The following KIAA1217 variants were observed in gnomAD, a reference collection of about 807,000 sequenced individuals.
The protein encoded by KIAA1217 is sickle tail protein homolog.
KIAA1217 carries 88 observed loss-of-function variants against 163.9 expected under a neutral mutation model. That is an observed-to-expected ratio of 0.54 (90% CI 0.45 to 0.64). The LOEUF is 0.64. Ranked by LOEUF, KIAA1217 falls within the 30% of genes least tolerant of loss-of-function variation. KIAA1217 has a pLI of 0.00. For missense variants in KIAA1217, 2,372 were observed against 2,475.0 expected (o/e 0.96, Z 0.88); for synonymous variants, 903 against 923.1 (o/e 0.98, Z 0.39).
chr10:24,324,832 T>G (rs937841419), intron 2 of KIAA1217, among the ~76,000 whole-genome samples: 1 of 152,218 alleles, frequency 6.6e-6, no homozygotes, highest in African/African-American at 2.4e-5. Context: ...GCTGTTGTGC[T>G]GATTTCTTGG....
At chr10:23,938,697 T>C (rs2131329794) in intron 1 of KIAA1217, among the ~76,000 whole-genome samples, 1 of 152,046 alleles carries the variant, frequency 6.6e-6, no homozygotes, top group South Asian at 2.1e-4. Flanking sequence ...GCCTCGGTTA[T>C]GTGCAAATAC....
At chr10:23,877,717 G>A (rs1188036534) in intron 1 of KIAA1217, among the ~76,000 whole-genome samples, 1 of 151,944 alleles carries the variant, frequency 6.6e-6, no homozygotes, top group Non-Finnish European at 1.5e-5. Context: ...ACTCTCAAAA[G>A]CTTTAACATT....
At chr10:24,537,280 A>G (rs1029188100) in intron 17 of KIAA1217, among the ~76,000 whole-genome samples, 5 of 152,126 alleles carry the variant, frequency 3.3e-5, no homozygotes, top group African/African-American at 4.8e-5. Flanking sequence ...TGTTAAGAAA[A>G]ATAGGTAAAA....
At chr10:24,457,999 T>G (rs1382188367) in intron 5 of KIAA1217, among the ~76,000 whole-genome samples, 1 of 152,118 alleles carries the variant, frequency 6.6e-6, no homozygotes, top group Non-Finnish European at 1.5e-5. Context: ...GGAAGCAGAT[T>G]GTGTCTCTGA....
intron 1 of KIAA1217, among the ~76,000 whole-genome samples, chr10:23,815,602 C>G (rs1465629558): frequency 6.6e-6 from 1 of 152,140 alleles, no homozygotes; most frequent in African/African-American, 2.4e-5. Flanking sequence ...TGAGATCAGG[C>G]CACTGCACTC....
intron 14 of KIAA1217, among the ~76,000 whole-genome samples, chr10:24,530,148 G>T (rs2072903508): frequency 1.3e-5 from 2 of 152,006 alleles, no homozygotes; most frequent in South Asian, 4.1e-4. Flanking sequence ...TATTAATTTT[G>T]TCATAGAGTC....
intron 2 of KIAA1217, among the ~76,000 whole-genome samples, chr10:24,179,428 G>A (rs996414430): frequency 6.6e-6 from 1 of 152,022 alleles, no homozygotes; most frequent in Admixed American, 6.6e-5. Context: ...ACTTCCTCCT[G>A]CTCTGCTATG....
intron 2 of KIAA1217, among the ~76,000 whole-genome samples, chr10:24,172,040 G>C (rs1057217882): frequency 1.3e-5 from 2 of 152,152 alleles, no homozygotes; most frequent in East Asian, 3.8e-4. Context: ...CAAATGGCTT[G>C]ACAGAGATCA....
chr10:23,917,506 G>A (rs1386307943), intron 1 of KIAA1217, among the ~76,000 whole-genome samples: 2 of 152,316 alleles, frequency 1.3e-5, no homozygotes, highest in Middle Eastern at 3.4e-3. Context: ...TGGGAGCAGC[G>A]GCCACAGAGG....
At chr10:24,463,586 C>T (rs2062650001) in intron 5 of KIAA1217, among the ~76,000 whole-genome samples, 1 of 152,204 alleles carries the variant, frequency 6.6e-6, no homozygotes, top group Admixed American at 6.5e-5. Context: ...ATAATCCCTT[C>T]CCTTCCTAAT....
At chr10:23,979,266 A>G (rs1845666140) in intron 1 of KIAA1217, among the ~76,000 whole-genome samples, 2 of 152,226 alleles carry the variant, frequency 1.3e-5, no homozygotes. Context: ...TTGCAGGTGC[A>G]AACACAGCGT....
intron 1 of KIAA1217, among the ~76,000 whole-genome samples, chr10:24,211,359 T>G (rs947064797): frequency 8.2e-5 from 10 of 122,438 alleles, no homozygotes; most frequent in African/African-American, 3.1e-4. Context: ...CAGGTGGGAC[T>G]ACTTTTTTTT....
intron 1 of KIAA1217, among the ~76,000 whole-genome samples, chr10:23,700,482 A>AT (rs1159919887): frequency 1.3e-5 from 2 of 151,128 alleles, no homozygotes; most frequent in Admixed American, 6.6e-5. Context: ...ATTTTATAAT[A>AT]TTTTCCCATT....
intron 2 of KIAA1217, among the ~76,000 whole-genome samples, chr10:24,175,754 G>T (rs2065854649): frequency 6.6e-6 from 1 of 152,050 alleles, no homozygotes; most frequent in South Asian, 2.1e-4. Context: ...TCAGGAGTGA[G>T]GCTGCAGACC....
intron 2 of KIAA1217, among the ~76,000 whole-genome samples, chr10:24,147,019 A>AC (rs2064351161): frequency 6.6e-6 from 1 of 151,722 alleles, no homozygotes; most frequent in South Asian, 2.1e-4. Flanking sequence ...AAAAAAAAAA[A>AC]AAAAAAAAAA....
Position 23,754,479 on chromosome 10 carries a change from T to C in KIAA1217, c.-321+59245T>C, listed in dbSNP as rs142017326. Among the ~76,000 whole-genome samples, 506 of 152,298 alleles carry C rather than the reference T, an allele frequency of 3.3e-3. 3 individuals carry two copies. The highest frequency in any genetic ancestry group is 0.011 in the African/African-American group (467 of 41,564). ...GCCTCTCTGGCATTTTCTCACACAG[T>C]CTAACAGGCAGAAAATCTCTTCTTT... On this transcript the variant is annotated intron_variant, in intron 1 of 18. Coordinates refer to the KIAA1217 transcript ENST00000376462.
intron 17 of KIAA1217, among the ~76,000 whole-genome samples, chr10:24,540,497 G>C (rs1010130797): frequency 8.5e-5 from 13 of 152,098 alleles, no homozygotes; most frequent in Non-Finnish European, 1.8e-4. Context: ...CTCCCAAAGT[G>C]CTGGGATTAC....
intron 2 of KIAA1217, among the ~76,000 whole-genome samples, chr10:24,060,048 T>A (rs188621502): frequency 9.2e-5 from 14 of 152,322 alleles, no homozygotes; most frequent in Admixed American, 3.3e-4. Context: ...ACTCCTTTTT[T>A]ATTTCTGATT....
At position 23,703,339 on chromosome 10, in the gene KIAA1217, A is replaced by G. The variant is rs552337339; in HGVS notation, c.-321+8105A>G. On this transcript the variant is annotated intron_variant, in intron 1 of 18. Transcript: ENST00000376462. ...CTTTGCAAGAACGGGACATTGCCCT[A>G]TGTACTTCCTGATCTGCACCTAGCT... 3.3e-5 allele frequency among the ~76,000 whole-genome samples: 5 copies of G among 152,268 alleles called. No individual in the cohort carries two copies. The East Asian group carries it at 9.7e-4, about 29-fold the overall frequency.
Sources: gnomAD v4.1 joint callset for allele counts (sites outside exome capture counted in the v4.1 genomes callset) on GRCh38, gnomAD v4.1.1 for gene constraint, MANE v1.5 for transcripts, NCBI Gene and HGNC (gene_info 2026-07-23, HGNC 2026-07-21) for gene names.